Variants in DPH6 observed in about 807,000 individuals in gnomAD.
DPH6 encodes diphthamine biosynthesis 6, also known as diphthine--ammonia ligase.
Under a neutral mutation model 38.2 loss-of-function variants are expected in DPH6, and 33 were observed. The ratio of observed to expected loss-of-function variants is 0.86; its 90% CI spans 0.65 to 1.15. The LOEUF (loss-of-function observed/expected upper bound fraction) is 1.15, where lower values mean the gene tolerates loss of function less well. Among genes scored for constraint, DPH6 ranks in the 50% most tolerant of loss-of-function variants. The pLI is 0.00. For missense variants in DPH6, 325 were observed against 320.0 expected (o/e 1.02, Z -0.12); for synonymous variants, 108 against 103.0 (o/e 1.05, Z -0.30).
intron 3 of DPH6, among the ~76,000 whole-genome samples, chr15:35,295,561 ATCCT>A (rs1226525034): frequency 6.6e-6 from 1 of 152,146 alleles, no homozygotes; most frequent in African/African-American, 2.4e-5. Context: ...TCCTGTCATC[ATCCT>A]TGATGGCTTC....
At chr15:35,170,857 T>C in the DPH6 span, among the ~76,000 whole-genome samples, 1 of 152,198 alleles carries the variant, frequency 6.6e-6, no homozygotes, top group Non-Finnish European at 1.5e-5. Context: ...TTATTCTCTC[T>C]CTCTGATGAG....
intron 3 of DPH6, among the ~76,000 whole-genome samples, chr15:35,271,255 A>C (rs1048332871): frequency 1.3e-5 from 2 of 152,140 alleles, no homozygotes; most frequent in Non-Finnish European, 2.9e-5. Flanking sequence ...TAAACAAACA[A>C]ACAAACACAC....
intron 6 of DPH6, among the ~76,000 whole-genome samples, chr15:35,385,204 G>C (rs909293502): frequency 3.9e-5 from 6 of 152,210 alleles, no homozygotes; most frequent in Non-Finnish European, 8.8e-5. Flanking sequence ...GTGGAAGACA[G>C]TGTGGCGATT....
chr15:35,425,829 ATC>A (rs1491298650), intron 5 of DPH6, among the ~76,000 whole-genome samples: 4 of 143,804 alleles, frequency 2.8e-5, no homozygotes, highest in East Asian at 2.0e-4. Flanking sequence ...ATATATATAT[ATC>A]TCATATATCC....
At chr15:35,401,100 T>TGTAA (rs1401748412) in intron 6 of DPH6, 3 of 907,708 alleles carry the variant, frequency 3.3e-6, no homozygotes, top group Non-Finnish European at 5.4e-6. Flanking sequence ...GCTTTGCCTT[T>TGTAA]GTAACCTTTG....
chr15:35,320,016 T>C (rs1431104415), intron 3 of DPH6, among the ~76,000 whole-genome samples: 1 of 152,176 alleles, frequency 6.6e-6, no homozygotes, highest in African/African-American at 2.4e-5. Context: ...AAAATTAGTC[T>C]GTCCAGCCTT....
the DPH6 span, among the ~76,000 whole-genome samples, chr15:35,177,601 ATCATCATC>A: frequency 1.2e-4 from 13 of 109,810 alleles, no homozygotes; most frequent in Non-Finnish European, 2.0e-4. Flanking sequence ...AAAAAAAAAA[ATCATCATC>A]ATCATCATCA....
At chr15:35,145,171 C>G in the DPH6 span, among the ~76,000 whole-genome samples, 2 of 152,096 alleles carry the variant, frequency 1.3e-5, no homozygotes, top group African/African-American at 4.8e-5. Context: ...AAGAAGAAAA[C>G]CAAAGTCATT....
intron 8 of DPH6, 98 bp from the exon 9 acceptor site, chr15:35,372,301 T>A (rs1162445097): frequency 9.8e-7 from 1 of 1,024,360 alleles, no homozygotes; most frequent in Non-Finnish European, 1.3e-6. Flanking sequence ...TTATCTGAAA[T>A]ACTGTTATCT....
At chr15:35,169,559 T>A in the DPH6 span, 1 of 152,058 alleles carries the variant, frequency 6.6e-6, no homozygotes. Context: ...TTTCTCTTTC[T>A]TGCAGTAGAC....
intron 4 of DPH6, among the ~76,000 whole-genome samples, chr15:35,453,985 C>A (rs1398189310): frequency 6.7e-6 from 1 of 149,878 alleles, no homozygotes; most frequent in Non-Finnish European, 1.5e-5. Flanking sequence ...ATAATGCAGT[C>A]CAATTTTTTT....
chr15:35,238,664 C>A (rs925303701), intron 3 of DPH6, among the ~76,000 whole-genome samples: 16 of 152,218 alleles, frequency 1.1e-4, no homozygotes, highest in Non-Finnish European at 1.6e-4. Context: ...GCCATCGCAT[C>A]CCCTGTGATT....
chr15:35,467,306 C>A (rs753123987), intron 3 of DPH6, among the ~76,000 whole-genome samples: 2 of 152,004 alleles, frequency 1.3e-5, no homozygotes, highest in South Asian at 2.1e-4. Context: ...GGCTCATGCC[C>A]GTAATCCCAG....
chr15:35,491,810 TAA>T (rs10553797), intron 3 of DPH6, among the ~76,000 whole-genome samples: 2,884 of 150,524 alleles, frequency 0.019, 88 homozygotes, highest in African/African-American at 0.062. Flanking sequence ...TATGTGTGTA[TAA>T]AGATATATGT....
intron 3 of DPH6, among the ~76,000 whole-genome samples, chr15:35,334,876 A>G (rs1464883029): frequency 6.6e-6 from 1 of 152,038 alleles, no homozygotes; most frequent in African/African-American, 2.4e-5. Context: ...CTATGTGTGC[A>G]TGTATCTTTA....
chr15:35,485,538 A>G (rs900608741), intron 3 of DPH6, among the ~76,000 whole-genome samples: 1 of 152,156 alleles, frequency 6.6e-6, no homozygotes, highest in South Asian at 2.1e-4. Context: ...TCATTGATAT[A>G]TATCATAAAT....
Position 35,522,339 on chromosome 15 carries a change from CCT to C in DPH6, c.312+15933_312+15934del, listed in dbSNP as rs1284280799. ...AGGTTTAGGATTGACCAGAAAAAGC[CCT>C]GAGGCTGGATTACCATCTTTCACCA... On this transcript the variant is annotated intron_variant, in intron 3 of 8. Coordinates refer to ENST00000256538, the MANE Select transcript of DPH6 (RefSeq NM_080650.4). 4 of 1,539,338 alleles carry C rather than the reference CCT, an allele frequency of 2.6e-6. No individual in the cohort carries two copies. The East Asian group carries it at 9.2e-5, about 35-fold the overall frequency.
At chr15:35,458,187 TTGAATCCGTGGATG>T (rs1373854873) in intron 3 of DPH6, among the ~76,000 whole-genome samples, 1 of 152,184 alleles carries the variant, frequency 6.6e-6, no homozygotes, top group African/African-American at 2.4e-5. Context: ...CTACAGTGGG[TTGAATCCGTGGATG>T]TGAATCCGTG....
intron 6 of DPH6, among the ~76,000 whole-genome samples, chr15:35,388,035 G>T (rs2052996228): frequency 6.6e-6 from 1 of 152,120 alleles, no homozygotes; most frequent in Non-Finnish European, 1.5e-5. Flanking sequence ...CTAATTTATT[G>T]AGAGTTTTTA....
Sources: allele counts gnomAD v4.1 joint callset (sites outside exome capture counted in the v4.1 genomes callset), GRCh38; gene constraint gnomAD v4.1.1; transcripts MANE v1.5; gene names NCBI Gene and HGNC (gene_info 2026-07-23, HGNC 2026-07-21).